The following SUSD6 variants were observed in gnomAD, a reference collection of about 807,000 sequenced individuals.
The protein encoded by SUSD6 is sushi domain containing 6.
Under a neutral mutation model 28.4 loss-of-function variants are expected in SUSD6, and 16 were observed. The ratio of observed to expected loss-of-function variants is 0.56; its 90% CI spans 0.38 to 0.86. The LOEUF is 0.86. SUSD6 is among the 40% of genes least tolerant of loss of function. The pLI, the probability that SUSD6 is intolerant of heterozygous loss-of-function variation, is 0.00. For synonymous variants in SUSD6, 147 were observed against 159.6 expected, an observed-to-expected ratio of 0.92 and a Z score of 0.59; for missense variants, 341 against 384.2, an observed-to-expected ratio of 0.89 and a Z score of 0.94.
At chr14:69,697,692 C>T (rs1886246055) in intron 2 of SUSD6, among the ~76,000 whole-genome samples, 1 of 152,130 alleles carries the variant, frequency 6.6e-6, no homozygotes, top group Non-Finnish European at 1.5e-5. Flanking sequence ...GATTTCCATC[C>T]ATTCCTTCCT....
At chr14:69,667,293 A>C (rs1885755966) in intron 2 of SUSD6, among the ~76,000 whole-genome samples, 1 of 151,588 alleles carries the variant, frequency 6.6e-6, no homozygotes. Flanking sequence ...GCTGGATTGC[A>C]AATGACCCAG....
At chr14:69,676,374 T>A (rs1299027796) in intron 2 of SUSD6, among the ~76,000 whole-genome samples, 1 of 150,880 alleles carries the variant, frequency 6.6e-6, no homozygotes, top group East Asian at 1.9e-4. Context: ...TTACTGTGCT[T>A]TTTCTTTTTT....
At chr14:69,682,069 A>T (rs752057541) in intron 2 of SUSD6, among the ~76,000 whole-genome samples, 2 of 152,144 alleles carry the variant, frequency 1.3e-5, no homozygotes, top group Non-Finnish European at 2.9e-5. Flanking sequence ...GGGGTGGTTC[A>T]TGCTTTAATC....
At chr14:69,639,313 CAAA>C (rs57837741) in intron 1 of SUSD6, among the ~76,000 whole-genome samples, 2 of 54,590 alleles carry the variant, frequency 3.7e-5, no homozygotes, top group East Asian at 6.8e-4. Flanking sequence ...GACTCCGTCT[CAAA>C]AAAAAAAAAA....
chr14:69,614,033 T>G (rs1884921076), intron 1 of SUSD6, among the ~76,000 whole-genome samples: 1 of 152,212 alleles, frequency 6.6e-6, no homozygotes, highest in Non-Finnish European at 1.5e-5. Context: ...TCCTGGTCAG[T>G]CTCTGAGGTG....
chr14:69,629,846 A>AG (rs1241870902), intron 1 of SUSD6, among the ~76,000 whole-genome samples: 2 of 152,214 alleles, frequency 1.3e-5, no homozygotes, highest in Non-Finnish European at 2.9e-5. Context: ...TGATGGAGGC[A>AG]GGTCTCTGCC....
At chr14:69,621,731 T>C (rs1360575247) in intron 1 of SUSD6, among the ~76,000 whole-genome samples, 2 of 152,232 alleles carry the variant, frequency 1.3e-5, no homozygotes, top group Admixed American at 1.3e-4. Context: ...AACACTTTTC[T>C]CTTTGTTCTC....
Position 69,711,105 on chromosome 14 carries a change from G to A in SUSD6, c.*126G>A, listed in dbSNP as rs1050940801. ...TACCTGAGCTGCCACCTGTGTATCT[G>A]TGTATCTCTGAGGGCCCTATAGGCC... On this transcript the variant is annotated 3_prime_UTR_variant, in exon 6 of 6. Coordinates refer to ENST00000342745, the MANE Select transcript of SUSD6 (RefSeq NM_014734.4). 2.3e-5 allele frequency: 22 copies of A among 946,750 alleles called. No homozygotes were observed. Among genetic ancestry groups the A allele is most frequent in the Non-Finnish European group, 3.6e-5 (21 of 589,714 alleles). 58.6% of individuals were successfully genotyped at this position (946,750 alleles called of 1,614,324 possible). A position where few individuals can be genotyped will look rare whatever the true frequency, so the allele number is the denominator to read the frequency against.
In SUSD6 at chr14:69,712,669, T is replaced by G. The variant is rs575382493; in HGVS notation, c.*1690T>G. On this transcript the variant is annotated 3_prime_UTR_variant, in exon 6 of 6. Transcript: ENST00000342745. ...AGGGGAGTGGTCTTCTCCCAGCCTT[T>G]TACCCTCTTGCCTCCTGCCTCCGCG... is the stretch of plus-strand genomic sequence containing the variant. The G allele has an allele frequency of 2.0e-5, 3 of 152,470 alleles. No individual in the cohort carries two copies. The highest frequency in any genetic ancestry group is 7.2e-5 in the African/African-American group (3 of 41,530). The allele number at this position is 152,470 out of a possible 1,614,324, so 9.4% of individuals were successfully genotyped here. A position where few individuals can be genotyped will look rare whatever the true frequency, so the allele number is the denominator to read the frequency against.
chr14:69,672,682 G>C (rs1033756522), intron 2 of SUSD6, among the ~76,000 whole-genome samples: 2 of 152,316 alleles, frequency 1.3e-5, no homozygotes, highest in African/African-American at 4.8e-5. Flanking sequence ...GTATTCTTCA[G>C]GTCTCATGTT....
At chr14:69,640,471 A>T (rs1284614587) in intron 1 of SUSD6, among the ~76,000 whole-genome samples, 2 of 152,044 alleles carry the variant, frequency 1.3e-5, no homozygotes, top group East Asian at 3.8e-4. Context: ...AGTAGCCAGG[A>T]CTACAGGTGC....
At chr14:69,666,291 A>T (rs1216944866) in intron 2 of SUSD6, among the ~76,000 whole-genome samples, 1 of 152,174 alleles carries the variant, frequency 6.6e-6, no homozygotes, top group Non-Finnish European at 1.5e-5. Flanking sequence ...AGATCAGCTA[A>T]GTGATCTCAC....
intron 2 of SUSD6, among the ~76,000 whole-genome samples, chr14:69,663,094 A>G (rs557011535): frequency 6.6e-6 from 1 of 152,220 alleles, no homozygotes; most frequent in Admixed American, 6.5e-5. Context: ...AAATTTGACC[A>G]GTAAGGAGGG....
intron 2 of SUSD6, among the ~76,000 whole-genome samples, chr14:69,674,655 A>G (rs951808704): frequency 2.0e-5 from 3 of 152,028 alleles, no homozygotes; most frequent in African/African-American, 7.3e-5. Context: ...TGTTCTTCAG[A>G]TTGAATTTGA....
chr14:69,710,161 T>C (rs1470595531), intron 5 of SUSD6, among the ~76,000 whole-genome samples: 1 of 152,182 alleles, frequency 6.6e-6, no homozygotes, highest in Non-Finnish European at 1.5e-5. Context: ...TATTGTGAGA[T>C]GTGTGTAAGT....
chr14:69,674,900 T>C (rs1005918507), intron 2 of SUSD6, among the ~76,000 whole-genome samples: 1 of 152,216 alleles, frequency 6.6e-6, no homozygotes, highest in Admixed American at 6.5e-5. Flanking sequence ...CTGAAGTCTC[T>C]GTTGAAACAG....
chr14:69,624,158 GT>G (rs1036516244), intron 1 of SUSD6, among the ~76,000 whole-genome samples: 3 of 152,124 alleles, frequency 2.0e-5, no homozygotes, highest in Non-Finnish European at 2.9e-5. Context: ...TTTTTTCTAT[GT>G]TTAAGTATGT....
chr14:69,677,740 A>G (rs547128663), intron 2 of SUSD6, among the ~76,000 whole-genome samples: 7 of 152,226 alleles, frequency 4.6e-5, no homozygotes, highest in East Asian at 1.9e-4. Context: ...ATTTATTTCT[A>G]TATTTTGTGA....
intron 2 of SUSD6, among the ~76,000 whole-genome samples, chr14:69,700,263 G>C (rs539197254): frequency 1.3e-5 from 2 of 152,068 alleles, no homozygotes; most frequent in African/African-American, 4.8e-5. Flanking sequence ...CTCTTTTGCC[G>C]TCACTATCTG....
Sources: allele counts gnomAD v4.1 joint callset (sites outside exome capture counted in the v4.1 genomes callset), GRCh38; gene constraint gnomAD v4.1.1; transcripts MANE v1.5; gene names NCBI Gene and HGNC (gene_info 2026-07-23, HGNC 2026-07-21).